Variants in WWC2 observed in about 807,000 individuals in gnomAD.
WWC2 encodes the protein WW and C2 domain containing 2, also known as protein WWC2.
A neutral mutation model predicts 138.5 loss-of-function variants in WWC2; 101 were observed. That is an observed-to-expected ratio of 0.73 (90% CI 0.62 to 0.86). WWC2 has a LOEUF of 0.86. Ranked by LOEUF, WWC2 falls within the 40% of genes least tolerant of loss-of-function variation. WWC2 has a pLI of 0.00. For synonymous variants in WWC2, 558 were observed against 538.4 expected (o/e 1.04, Z -0.50); for missense variants, 1,420 against 1,419.4 (o/e 1.00, Z -0.01).
chr4:183,196,860 G>A (rs1482779149), intron 2 of WWC2, among the ~76,000 whole-genome samples: 2 of 152,056 alleles, frequency 1.3e-5, no homozygotes, highest in African/African-American at 2.4e-5. Context: ...ACAGGTCCCC[G>A]TCCCATTCTG....
At chr4:183,127,987 G>T (rs1446052756) in intron 1 of WWC2, among the ~76,000 whole-genome samples, 1 of 151,278 alleles carries the variant, frequency 6.6e-6, no homozygotes, top group African/African-American at 2.4e-5. Flanking sequence ...TAAGTATAGG[G>T]TCTTGGGACT....
intron 22 of WWC2, among the ~76,000 whole-genome samples, chr4:183,315,215 G>A (rs1006571017): frequency 3.9e-5 from 6 of 152,204 alleles, no homozygotes; most frequent in Admixed American, 3.9e-4. Flanking sequence ...GCGTCGTGGT[G>A]TCGCTCATCA....
At chr4:183,259,779 CT>C in intron 10 of WWC2, 51 bp downstream of exon 10, 2 of 1,210,398 alleles carry the variant, frequency 1.7e-6, no homozygotes, top group Non-Finnish European at 2.3e-6. Context: ...ATAGCATGTT[CT>C]TGTTCATCTT....
intron 2 of WWC2, among the ~76,000 whole-genome samples, chr4:183,205,758 G>T (rs1018866536): frequency 2.6e-5 from 4 of 152,144 alleles, no homozygotes; most frequent in Non-Finnish European, 4.4e-5. Context: ...TAACTTTGCT[G>T]TGGTCTCCAC....
chr4:183,106,434 A>G (rs1045656353), intron 1 of WWC2, among the ~76,000 whole-genome samples: 3 of 152,124 alleles, frequency 2.0e-5, no homozygotes, highest in Non-Finnish European at 4.4e-5. Flanking sequence ...CTCAGCATAA[A>G]ATTATTCATT....
intron 1 of WWC2, among the ~76,000 whole-genome samples, chr4:183,168,941 C>T (rs899970191): frequency 8.5e-5 from 13 of 152,080 alleles, no homozygotes; most frequent in South Asian, 8.3e-4. Context: ...CTCTGCCTCC[C>T]GGGGTCAAGT....
chr4:183,237,261 C>A (rs916052114), intron 4 of WWC2, among the ~76,000 whole-genome samples: 1 of 150,502 alleles, frequency 6.6e-6, no homozygotes, highest in Non-Finnish European at 1.5e-5. Context: ...AGACAGGTTT[C>A]AGCTCAGATA....
At chr4:183,310,370 TA>T (rs1739169682) in intron 21 of WWC2, among the ~76,000 whole-genome samples, 1 of 152,160 alleles carries the variant, frequency 6.6e-6, no homozygotes, top group Non-Finnish European at 1.5e-5. Flanking sequence ...CTCTAATAAA[TA>T]GACTGTGTTT....
intron 17 of WWC2, chr4:183,281,139 C>T: frequency 2.0e-6 from 1 of 492,056 alleles, no homozygotes; most frequent in Admixed American, 4.1e-5. Context: ...AATTTTAAAA[C>T]ACTATTTTCT....
At chr4:183,166,576 G>A (rs1311129380) in intron 1 of WWC2, among the ~76,000 whole-genome samples, 1 of 152,188 alleles carries the variant, frequency 6.6e-6, no homozygotes, top group Non-Finnish European at 1.5e-5. Flanking sequence ...ACATGCTTCA[G>A]CAGGGCCATG....
intron 1 of WWC2, among the ~76,000 whole-genome samples, chr4:183,137,240 G>GACTTTAAA (rs1313447662): frequency 6.6e-6 from 1 of 151,986 alleles, no homozygotes; most frequent in African/African-American, 2.4e-5. Flanking sequence ...GTAACATTTT[G>GACTTTAAA]ACTTTAAAAC....
At chr4:183,160,464 T>G (rs1006747878) in intron 1 of WWC2, among the ~76,000 whole-genome samples, 9 of 152,214 alleles carry the variant, frequency 5.9e-5, no homozygotes, top group African/African-American at 2.2e-4. Context: ...AGCAGTGGTA[T>G]GAACCATATT....
chr4:183,265,824 C>T lies in WWC2; in HGVS notation c.2121-41C>T, dbSNP rs1314568040. 3 of 1,608,780 alleles carry T rather than the reference C, an allele frequency of 1.9e-6. No homozygotes were observed. The African/African-American group carries it at 4.0e-5, about 21-fold the overall frequency. The stretch of plus-strand genomic sequence containing the variant: ...CTGACATCTGTGCAGGGCAAGTGGC[C>T]TGTGGTGATTCCTGACTTCATTTAG... On this transcript the variant is annotated intron_variant, in intron 13 of 22. Coordinates refer to ENST00000403733, the MANE Select transcript of WWC2 (RefSeq NM_024949.6).
chr4:183,263,609 T>C (rs1011352735), intron 11 of WWC2, among the ~76,000 whole-genome samples: 2 of 152,214 alleles, frequency 1.3e-5, no homozygotes, highest in Admixed American at 1.3e-4. Flanking sequence ...AGCGTATATT[T>C]AACCATAAAG....
At chr4:183,140,866 G>T (rs187329106) in intron 1 of WWC2, among the ~76,000 whole-genome samples, 1 of 150,466 alleles carries the variant, frequency 6.6e-6, no homozygotes, top group Admixed American at 6.6e-5. Context: ...TCTAGAGTGA[G>T]ACTGCCTGAT....
rs1310306167 is a variant in WWC2 at position 183,261,121 on chromosome 4, G to A, written c.1498G>A (p.Gly500Arg). The A allele has an allele frequency of 6.2e-7, 1 of 1,613,946 alleles. No homozygotes were observed. Among genetic ancestry groups the A allele is most frequent in the Non-Finnish European group, 8.5e-7 (1 of 1,179,874 alleles). ...AGAGAAAAGCGGTTACATTCCTTCT[G>A]GACCCATCACCACCATCCATGAAAA... ...LQEKSGYIPS[G>R]PITTIHENEV... The change falls in exon 11 of 23, where the codon GGA becomes AGA. Residue 500 changes from glycine (G) to arginine (R), a missense_variant. Transcript: ENST00000403733.
At chr4:183,234,091 C>T (rs926432827) in intron 4 of WWC2, among the ~76,000 whole-genome samples, 2 of 152,204 alleles carry the variant, frequency 1.3e-5, no homozygotes, top group African/African-American at 4.8e-5. Flanking sequence ...ACTTTTCCTT[C>T]ATTGTCATCT....
At chr4:183,220,582 T>C (rs529639527) in intron 4 of WWC2, among the ~76,000 whole-genome samples, 689 of 150,406 alleles carry the variant, frequency 4.6e-3, no homozygotes, top group South Asian at 0.011. Context: ...CGCCTGTAAT[T>C]CCAGCACTTT....
At chr4:183,232,828 A>G (rs1179877882) in intron 4 of WWC2, among the ~76,000 whole-genome samples, 1 of 151,846 alleles carries the variant, frequency 6.6e-6, no homozygotes, top group African/African-American at 2.4e-5. Flanking sequence ...TTGTATTTTT[A>G]GTAAAGACAG....
Sources: allele counts gnomAD v4.1 joint callset (sites outside exome capture counted in the v4.1 genomes callset), GRCh38; gene constraint gnomAD v4.1.1; transcripts MANE v1.5; gene names NCBI Gene and HGNC (gene_info 2026-07-23, HGNC 2026-07-21).